MTMR8: variants seen among roughly 807,000 people sequenced by gnomAD.
The protein encoded by MTMR8 is phosphatidylinositol-3,5-bisphosphate 3-phosphatase MTMR8.
MTMR8 carries 65 observed loss-of-function variants against 39.3 expected under a neutral mutation model. The ratio of observed to expected loss-of-function variants is 1.65; its 90% CI spans 1.35 to 2.03. MTMR8 has a LOEUF of 2.03. Ranked by LOEUF, MTMR8 falls within the 30% of genes most tolerant of loss-of-function variation. The pLI, the probability that MTMR8 is intolerant of heterozygous loss-of-function variation, is 0.00. For missense variants in MTMR8, 777 were observed against 538.9 expected (o/e 1.44, Z -4.37); for synonymous variants, 245 against 185.2 (o/e 1.32, Z -2.62).
chrX:64,380,742 C>G (rs1027197556), intron 1 of MTMR8, among the ~76,000 whole-genome samples: 1 of 111,459 alleles, frequency 9.0e-6, no homozygotes, highest in African/African-American at 3.3e-5. Flanking sequence ...TATCCCTCCC[C>G]CCTCCTTCCA....
At chrX:64,385,631 G>A (rs1486723629) in intron 1 of MTMR8, among the ~76,000 whole-genome samples, 2 of 111,503 alleles carry the variant, frequency 1.8e-5, no homozygotes, top group East Asian at 5.6e-4. Context: ...AACCATGGTG[G>A]AAGGTGAAGG....
In MTMR8 at chrX:64,269,938, G is replaced by T. The variant is rs758915045; in HGVS notation, c.1609-895C>A. ...TTTCTAGAGTGATCTGGGTATATGT[G>T]AAATGAATCTGATTCTCTCTCAAGA... On this transcript the variant is annotated intron_variant, in intron 13 of 13. Coordinates refer to ENST00000374852, the MANE Select transcript of MTMR8 (RefSeq NM_017677.4). Among the ~76,000 whole-genome samples the T allele has an allele frequency of 5.4e-5, 6 of 111,555 alleles. No homozygotes were observed. In the East Asian group the frequency reaches 1.7e-3, roughly 32 times the overall value.
chrX:64,301,089 C>G (rs1174464373), intron 12 of MTMR8, among the ~76,000 whole-genome samples: 15 of 105,372 alleles, frequency 1.4e-4, no homozygotes, highest in African/African-American at 5.2e-4. Flanking sequence ...ATCTTTGTGG[C>G]GTTCTCTGTA....
chrX:64,320,714 A>C (rs940838671), intron 12 of MTMR8, among the ~76,000 whole-genome samples: 2 of 110,940 alleles, frequency 1.8e-5, no homozygotes, highest in South Asian at 7.7e-4. Context: ...ATATCAGGGA[A>C]TGTAGGAGGT....
intron 12 of MTMR8, among the ~76,000 whole-genome samples, chrX:64,283,195 AG>A (rs970167013): frequency 2.7e-5 from 3 of 112,081 alleles, no homozygotes; most frequent in Admixed American, 9.4e-5. Context: ...CCTGGCTCAG[AG>A]GGTCCCACGC....
At chrX:64,366,820 G>A (rs754171580) in intron 1 of MTMR8, among the ~76,000 whole-genome samples, 4 of 111,553 alleles carry the variant, frequency 3.6e-5, no homozygotes, top group Non-Finnish European at 1.9e-5. Context: ...TCCAGGAGCT[G>A]GGTTTTTGAA....
intron 1 of MTMR8, among the ~76,000 whole-genome samples, chrX:64,375,087 T>A (rs1036258703): frequency 9.5e-5 from 10 of 105,514 alleles, no homozygotes; most frequent in African/African-American, 3.5e-4. Flanking sequence ...GGGCCAGCTG[T>A]GGTGGCTCAC....
chrX:64,392,582 T>TTTTG (rs768992902), intron 1 of MTMR8, among the ~76,000 whole-genome samples: 7,906 of 110,590 alleles, frequency 0.071, 805 homozygotes, highest in African/African-American at 0.25. Flanking sequence ...ATGTTCTTTT[T>TTTTG]TTTGTTTGTT....
chrX:64,350,808 C>T (rs942448332), intron 4 of MTMR8, among the ~76,000 whole-genome samples: 4 of 110,980 alleles, frequency 3.6e-5, no homozygotes, highest in South Asian at 3.8e-4. Flanking sequence ...TAGTGGTTAC[C>T]AAAATACATA....
intron 12 of MTMR8, among the ~76,000 whole-genome samples, chrX:64,281,307 G>A (rs185184894): frequency 8.1e-5 from 9 of 111,596 alleles, no homozygotes; most frequent in Non-Finnish European, 1.7e-4. Context: ...TATACTACAA[G>A]GCTATATAGT....
intron 12 of MTMR8, among the ~76,000 whole-genome samples, chrX:64,294,393 G>A (rs1227377078): frequency 9.0e-6 from 1 of 111,279 alleles, no homozygotes; most frequent in Non-Finnish European, 1.9e-5. Flanking sequence ...CCCTGTGATC[G>A]AACTTGTGCA....
chrX:64,335,134 A>T (rs762461458), intron 10 of MTMR8, among the ~76,000 whole-genome samples: 5 of 103,453 alleles, frequency 4.8e-5, no homozygotes, highest in South Asian at 4.2e-4. Flanking sequence ...GTAAAACTCA[A>T]TTTTTTTTTT....
At chrX:64,283,188 G>T (rs771355310) in intron 12 of MTMR8, among the ~76,000 whole-genome samples, 1 of 112,150 alleles carries the variant, frequency 8.9e-6, no homozygotes, top group Non-Finnish European at 1.9e-5. Context: ...TCCGGCACCT[G>T]GCTCAGAGGG....
chrX:64,358,649 C>G (rs1475802912), intron 2 of MTMR8, among the ~76,000 whole-genome samples: 1 of 111,097 alleles, frequency 9.0e-6, no homozygotes, highest in African/African-American at 3.3e-5. Flanking sequence ...AATCACTAAG[C>G]TATGCGGTAT....
chrX:64,268,233 T>C lies in MTMR8; in HGVS notation c.*304A>G, dbSNP rs1005110580. ...GAGGATAGAAAATAGGGCAGGTCGA[T>C]CATTAAGGAAAACAGACAGTAGAAC... On this transcript the variant is annotated 3_prime_UTR_variant, in exon 14 of 14. Transcript: ENST00000374852. 1.5e-4 allele frequency: 43 copies of C among 288,263 alleles called. 1 individual carries two copies. Among genetic ancestry groups the C allele is most frequent in the Middle Eastern group, 1.9e-3 (2 of 1,044 alleles). 23.8% of individuals were successfully genotyped at this position (288,263 alleles called of 1,213,427 possible).
At chrX:64,293,523 G>C (rs1298893082) in intron 12 of MTMR8, among the ~76,000 whole-genome samples, 2 of 111,465 alleles carry the variant, frequency 1.8e-5, no homozygotes, top group African/African-American at 6.5e-5. Flanking sequence ...ATTACAATCT[G>C]CAGCAGGTAT....
chrX:64,288,620 A>T (rs767049579), intron 12 of MTMR8, among the ~76,000 whole-genome samples: 1 of 112,103 alleles, frequency 8.9e-6, no homozygotes, highest in East Asian at 2.8e-4. Context: ...AACCAACCCA[A>T]ATGTCCAACA....
rs1931670686 is a variant in MTMR8 at position 64,268,283 on chromosome X, G to C, written c.*254C>G. The C allele has an allele frequency of 5.7e-6, 2 of 353,936 alleles. No homozygotes were observed. The highest frequency in any genetic ancestry group is 5.1e-5 in the African/African-American group (2 of 39,135). 29.2% of individuals were successfully genotyped at this position (353,936 alleles called of 1,213,427 possible). ...CCAGCTTAATATGTGTCTCAGCTGAGAGGCAACATTTCTATAGTTAAATCC... is the reference window on the plus strand; with the variant it reads ...CCAGCTTAATATGTGTCTCAGCTGACAGGCAACATTTCTATAGTTAAATCC... On this transcript the variant is annotated 3_prime_UTR_variant, in exon 14 of 14. Transcript: ENST00000374852.
chrX:64,344,948 C>T, intron 7 of MTMR8, 97 bp downstream of exon 7: 1 of 972,137 alleles, frequency 1.0e-6, no homozygotes, highest in Non-Finnish European at 1.4e-6. Context: ...TGCTCACCTG[C>T]TTGCTTTTAT....
Sources: allele counts gnomAD v4.1 joint callset (sites outside exome capture counted in the v4.1 genomes callset), GRCh38; gene constraint gnomAD v4.1.1; transcripts MANE v1.5; gene names NCBI Gene and HGNC (gene_info 2026-07-23, HGNC 2026-07-21).